The following HMGA2 variants were observed in gnomAD, a reference collection of about 807,000 sequenced individuals.
HMGA2 encodes the protein high mobility group protein HMGI-C.
Under a neutral mutation model 19.1 loss-of-function variants are expected in HMGA2, and 8 were observed. That is an observed-to-expected ratio of 0.42 (90% CI 0.25 to 0.76). The LOEUF (loss-of-function observed/expected upper bound fraction) is 0.76. Ranked by LOEUF, HMGA2 falls within the 30% of genes least tolerant of loss-of-function variation. HMGA2 has a pLI of 0.28. For missense variants in HMGA2, 109 were observed against 136.3 expected, an observed-to-expected ratio of 0.80 and a Z score of 1.00; for synonymous variants, 60 against 48.8, an observed-to-expected ratio of 1.23 and a Z score of -0.96.
At chr12:65,940,662 T>C (rs923526983) in intron 3 of HMGA2, among the ~76,000 whole-genome samples, 4 of 152,208 alleles carry the variant, frequency 2.6e-5, no homozygotes, top group Non-Finnish European at 5.9e-5. Flanking sequence ...TTGCCCAAAA[T>C]ACTTTTCTGG....
At chr12:65,911,576 G>T (rs1475764687) in intron 3 of HMGA2, among the ~76,000 whole-genome samples, 1 of 152,142 alleles carries the variant, frequency 6.6e-6, no homozygotes. Context: ...TATGCTCTAA[G>T]TTGTCCATTC....
At chr12:65,889,072 C>G (rs1034389943) in intron 3 of HMGA2, among the ~76,000 whole-genome samples, 3 of 152,114 alleles carry the variant, frequency 2.0e-5, no homozygotes, top group African/African-American at 7.2e-5. Flanking sequence ...CCTACTCTTA[C>G]CCACAAAAAA....
At chr12:65,828,300 G>T in intron 2 of HMGA2, 7 of 340,230 alleles carry the variant, frequency 2.1e-5, no homozygotes, top group Admixed American at 4.3e-5. Context: ...ACTTAACAGT[G>T]TTGTTTTTAA....
chr12:65,837,454 G>A (rs981659322), intron 2 of HMGA2, among the ~76,000 whole-genome samples: 1 of 152,102 alleles, frequency 6.6e-6, no homozygotes, highest in African/African-American at 2.4e-5. Flanking sequence ...TACCCCCACC[G>A]GCTGCTAACT....
At chr12:65,830,697 T>C (rs1170029856) in intron 2 of HMGA2, 2 of 151,950 alleles carry the variant, frequency 1.3e-5, no homozygotes, top group Non-Finnish European at 2.9e-5. Flanking sequence ...AAGCTGTTGA[T>C]TTGAAAATTA....
intron 3 of HMGA2, among the ~76,000 whole-genome samples, chr12:65,892,364 C>T (rs1873946495): frequency 6.6e-6 from 1 of 152,218 alleles, no homozygotes; most frequent in Non-Finnish European, 1.5e-5. Flanking sequence ...CGAGAGTCGT[C>T]CCAACTGTGA....
intron 3 of HMGA2, among the ~76,000 whole-genome samples, chr12:65,911,291 G>A (rs912396224): frequency 2.6e-5 from 4 of 152,112 alleles, no homozygotes; most frequent in African/African-American, 9.7e-5. Flanking sequence ...GATATTCAAA[G>A]TTTGGGATAA....
At chr12:65,952,621 C>A (rs571464654) in intron 4 of HMGA2, 157 of 758,050 alleles carry the variant, frequency 2.1e-4, no homozygotes, top group Middle Eastern at 1.6e-3. Context: ...CGTCTTTAAG[C>A]AATATTTAAA....
intron 2 of HMGA2, among the ~76,000 whole-genome samples, chr12:65,836,373 A>G (rs1030099118): frequency 2.6e-5 from 4 of 152,186 alleles, no homozygotes; most frequent in African/African-American, 7.2e-5. Context: ...AGAAAAAAAA[A>G]AAAAAAGAAA....
intron 3 of HMGA2, chr12:65,843,389 T>C (rs747740930): frequency 2.4e-5 from 5 of 204,448 alleles, no homozygotes; most frequent in Non-Finnish European, 5.0e-5. Context: ...TAATTTTATA[T>C]ATTAGTCAAA....
intron 3 of HMGA2, chr12:65,858,381 T>C (rs1565710363): frequency 6.6e-6 from 1 of 151,974 alleles, no homozygotes; most frequent in Non-Finnish European, 1.5e-5. Flanking sequence ...TTCCTAAAAG[T>C]ATTGTATTCA....
intron 3 of HMGA2, chr12:65,860,055 GC>G (rs1329242993): frequency 8.8e-6 from 4 of 452,324 alleles, no homozygotes; most frequent in Admixed American, 7.1e-5. Flanking sequence ...CTGTGCTACT[GC>G]ACTCCAGCCT....
intron 3 of HMGA2, among the ~76,000 whole-genome samples, chr12:65,862,534 C>G (rs1354364315): frequency 6.6e-6 from 1 of 152,138 alleles, no homozygotes; most frequent in Non-Finnish European, 1.5e-5. Flanking sequence ...AATTAATCTA[C>G]TTGGGTGTAC....
chr12:65,918,137 G>A (rs1057241424), intron 3 of HMGA2, among the ~76,000 whole-genome samples: 1 of 152,178 alleles, frequency 6.6e-6, no homozygotes, highest in Non-Finnish European at 1.5e-5. Context: ...GGCCTTTTGA[G>A]TTAGCTCCAC....
At chr12:65,899,187 G>A (rs1874272232) in intron 3 of HMGA2, among the ~76,000 whole-genome samples, 2 of 151,982 alleles carry the variant, frequency 1.3e-5, no homozygotes, top group Admixed American at 1.3e-4. Flanking sequence ...CTTCTGGTCA[G>A]TTTATAACTC....
intron 3 of HMGA2, among the ~76,000 whole-genome samples, chr12:65,949,436 G>A (rs1876380663): frequency 6.6e-6 from 1 of 152,092 alleles, no homozygotes; most frequent in South Asian, 2.1e-4. Context: ...TTATTTGGGA[G>A]AACTGGTGCA....
chr12:65,927,242 T>C (rs936628541), intron 3 of HMGA2, among the ~76,000 whole-genome samples: 2 of 152,200 alleles, frequency 1.3e-5, no homozygotes, highest in African/African-American at 4.8e-5. Context: ...GAACTGAATT[T>C]ATTCCCTTCA....
rs372592875 is a variant in HMGA2 at position 65,847,839 on chromosome 12, AC to A, written c.249+9271del. Among the ~76,000 whole-genome samples the A allele has an allele frequency of 1.8e-4, 27 of 152,342 alleles. No individual in the cohort carries two copies. In the South Asian group the frequency reaches 5.6e-3, roughly 32 times the overall value. On this transcript the variant is annotated intron_variant, in intron 3 of 4. Transcript: ENST00000403681. ...TACTAAATGTTCGGTGAGTAGGATGACAGTTTTTCTTTAGTGTGTATAAAGG... is the reference window on the plus strand; with the variant it reads ...TACTAAATGTTCGGTGAGTAGGATGAAGTTTTTCTTTAGTGTGTATAAAGG...
At chr12:65,887,268 C>T (rs1470736602) in intron 3 of HMGA2, among the ~76,000 whole-genome samples, 2 of 152,080 alleles carry the variant, frequency 1.3e-5, no homozygotes, top group African/African-American at 2.4e-5. Context: ...CAATGAGTCA[C>T]CATATGGAAG....
Sources: allele counts gnomAD v4.1 joint callset (sites outside exome capture counted in the v4.1 genomes callset), GRCh38; gene constraint gnomAD v4.1.1; transcripts MANE v1.5; gene names NCBI Gene and HGNC (gene_info 2026-07-23, HGNC 2026-07-21).